The following SORCS1 variants were observed in gnomAD, a reference collection of about 807,000 sequenced individuals.
SORCS1 encodes the protein VPS10 domain-containing receptor SorCS1.
In SORCS1, 60 loss-of-function variants were observed where a neutral mutation model predicts 146.1. The observed-to-expected ratio is 0.41, with a 90% CI of 0.33 to 0.51. The LOEUF (loss-of-function observed/expected upper bound fraction) is 0.51. Among genes scored for constraint, SORCS1 ranks in the 20% least tolerant of loss-of-function variants. The pLI, the probability that SORCS1 is intolerant of heterozygous loss-of-function variation, is 0.21. For missense variants in SORCS1, 1,352 were observed against 1,487.6 expected (o/e 0.91, Z 1.50); for synonymous variants, 637 against 584.0 (o/e 1.09, Z -1.31).
chr10:106,771,946 G>C (rs11193042), intron 4 of SORCS1, among the ~76,000 whole-genome samples: 34,917 of 152,086 alleles, frequency 0.23, 4,454 homozygotes, highest in Non-Finnish European at 0.29. Context: ...AGTCATTCTA[G>C]TGGTGCCTGG....
chr10:107,094,748 T>A (rs1360414341), intron 1 of SORCS1, among the ~76,000 whole-genome samples: 1 of 152,132 alleles, frequency 6.6e-6, no homozygotes, highest in Non-Finnish European at 1.5e-5. Flanking sequence ...AAAGATATAG[T>A]TTGCCAGACC....
At chr10:106,767,358 G>A (rs929417961) in intron 4 of SORCS1, among the ~76,000 whole-genome samples, 15 of 152,094 alleles carry the variant, frequency 9.9e-5, no homozygotes, top group South Asian at 2.1e-4. Context: ...AACTAGAGCC[G>A]GTTGGGAAGG....
At chr10:107,119,669 A>G (rs1310965995) in intron 1 of SORCS1, among the ~76,000 whole-genome samples, 1 of 152,210 alleles carries the variant, frequency 6.6e-6, no homozygotes, top group Non-Finnish European at 1.5e-5. Context: ...ATTTTATTTT[A>G]CAATAGGAAG....
intron 1 of SORCS1, among the ~76,000 whole-genome samples, chr10:107,142,332 C>T (rs1235469552): frequency 1.3e-5 from 2 of 152,146 alleles, no homozygotes; most frequent in African/African-American, 4.8e-5. Context: ...CACAGAGAAC[C>T]CGCGCTGCAA....
At chr10:106,603,911 G>T (rs144326617) in intron 23 of SORCS1, among the ~76,000 whole-genome samples, 1 of 152,152 alleles carries the variant, frequency 6.6e-6, no homozygotes, top group Non-Finnish European at 1.5e-5. Flanking sequence ...AAACGTCTCA[G>T]TTGTCACTGA....
chr10:106,944,292 C>A lies in SORCS1; in HGVS notation c.626+12221G>T, dbSNP rs114482037. On this transcript the variant is annotated intron_variant, in intron 2 of 25. Transcript: ENST00000263054. ...TCAGAATACTTAGCACAGAACTGAC[C>A]AATTGCACACACAGACTGTATTGTG... 5.5e-3 allele frequency among the ~76,000 whole-genome samples: 837 copies of A among 152,262 alleles called. 9 individuals carry two copies. The highest frequency in any genetic ancestry group is 0.018 in the African/African-American group (761 of 41,552).
intron 1 of SORCS1, among the ~76,000 whole-genome samples, chr10:107,039,103 G>A (rs1959046208): frequency 6.6e-6 from 1 of 152,130 alleles, no homozygotes; most frequent in Admixed American, 6.5e-5. Context: ...GCTGAGGCGG[G>A]TGGATCACAA....
chr10:106,645,860 A>T, intron 18 of SORCS1, among the ~76,000 whole-genome samples: 1 of 152,274 alleles, frequency 6.6e-6, no homozygotes, highest in Non-Finnish European at 1.5e-5. Context: ...TAGCTTATTG[A>T]AAACGTATTA....
At chr10:106,853,187 T>G (rs1237746781) in intron 2 of SORCS1, among the ~76,000 whole-genome samples, 1 of 152,232 alleles carries the variant, frequency 6.6e-6, no homozygotes, top group Non-Finnish European at 1.5e-5. Flanking sequence ...TTTTCTTATG[T>G]GAGTTTTGGC....
chr10:107,027,051 TA>T (rs1958439361), intron 1 of SORCS1, among the ~76,000 whole-genome samples: 2 of 147,028 alleles, frequency 1.4e-5, no homozygotes, highest in African/African-American at 5.0e-5. Context: ...TATATATAAA[TA>T]TATAAAATAT....
At chr10:106,943,292 T>C (rs888288338) in intron 2 of SORCS1, among the ~76,000 whole-genome samples, 2 of 152,208 alleles carry the variant, frequency 1.3e-5, no homozygotes, top group African/African-American at 4.8e-5. Context: ...CTCAGACTTC[T>C]GTATGTCTAG....
intron 3 of SORCS1, among the ~76,000 whole-genome samples, chr10:106,780,469 T>C (rs936926802): frequency 6.6e-6 from 1 of 152,182 alleles, no homozygotes; most frequent in Non-Finnish European, 1.5e-5. Context: ...ATTCCTAAAG[T>C]AAGCTCTCCA....
In SORCS1 at chr10:106,926,864, C is replaced by G. The variant is rs61867175; in HGVS notation, c.626+29649G>C. ...ACACACACACACACACACACACACACACAGAGAGAGAGAGAGAGAGAGAGA... is the reference window on the plus strand; with the variant it reads ...ACACACACACACACACACACACACAGACAGAGAGAGAGAGAGAGAGAGAGA... On this transcript the variant is annotated intron_variant, in intron 2 of 25. Coordinates refer to ENST00000263054, the MANE Select transcript of SORCS1 (RefSeq NM_052918.5). Among the ~76,000 whole-genome samples the G allele has an allele frequency of 9.3e-3, 658 of 70,672 alleles. 7 individuals carry two copies. Among genetic ancestry groups the G allele is most frequent in the African/African-American group, 0.032 (401 of 12,422 alleles). 46.4% of individuals were successfully genotyped at this position (70,672 alleles called of 152,430 possible). A position where few individuals can be genotyped will look rare whatever the true frequency, so the allele number is the denominator to read the frequency against.
intron 2 of SORCS1, among the ~76,000 whole-genome samples, chr10:106,851,052 C>A (rs1949550828): frequency 6.6e-6 from 1 of 152,208 alleles, no homozygotes; most frequent in Admixed American, 6.5e-5. Context: ...ATCCTAGCCA[C>A]CTGCACCAGC....
chr10:106,998,508 A>T (rs1957088467), intron 1 of SORCS1, among the ~76,000 whole-genome samples: 1 of 152,236 alleles, frequency 6.6e-6, no homozygotes, highest in Non-Finnish European at 1.5e-5. Flanking sequence ...TTAAAGGTGC[A>T]CTTTAACATG....
intron 1 of SORCS1, among the ~76,000 whole-genome samples, chr10:107,150,334 C>A (rs1230296378): frequency 1.3e-5 from 2 of 152,198 alleles, no homozygotes; most frequent in African/African-American, 4.8e-5. Flanking sequence ...GAACATCAGT[C>A]CGACTTCCAA....
chr10:106,929,328 A>C (rs1244700249), intron 2 of SORCS1, among the ~76,000 whole-genome samples: 1 of 152,218 alleles, frequency 6.6e-6, no homozygotes, highest in Non-Finnish European at 1.5e-5. Context: ...GGCAGTTAAT[A>C]GAAAAATTCA....
chr10:106,998,908 G>T (rs1048929532), intron 1 of SORCS1, among the ~76,000 whole-genome samples: 1 of 152,192 alleles, frequency 6.6e-6, no homozygotes, highest in African/African-American at 2.4e-5. Context: ...GAGCAATTAA[G>T]AAGTATGTCC....
chr10:107,097,481 A>C (rs898805221), intron 1 of SORCS1, among the ~76,000 whole-genome samples: 2 of 152,134 alleles, frequency 1.3e-5, no homozygotes, highest in Non-Finnish European at 2.9e-5. Context: ...TGGGCCTGCA[A>C]GGTGCCTGTT....
Sources: allele counts gnomAD v4.1 joint callset (sites outside exome capture counted in the v4.1 genomes callset), GRCh38; gene constraint gnomAD v4.1.1; transcripts MANE v1.5; gene names NCBI Gene and HGNC (gene_info 2026-07-23, HGNC 2026-07-21).